Variants in C13orf42 observed in about 807,000 individuals in gnomAD.
C13orf42 encodes chromosome 13 open reading frame 42, also known as uncharacterized protein C13orf42.
intron 1 of C13orf42, among the ~76,000 whole-genome samples, chr13:51,154,818 C>T (rs1017790796): frequency 6.6e-6 from 1 of 152,166 alleles, no homozygotes; most frequent in African/African-American, 2.4e-5. Context: ...GACAAGTAAA[C>T]TAATTGCACA....
At chr13:51,171,618 C>T (rs988111217) in intron 1 of C13orf42, among the ~76,000 whole-genome samples, 1 of 152,140 alleles carries the variant, frequency 6.6e-6, no homozygotes, top group African/African-American at 2.4e-5. Context: ...ATCTTTTTAT[C>T]ACCTCCCCTC....
At chr13:51,117,698 CCCT>C (rs1953503057) in intron 1 of C13orf42, among the ~76,000 whole-genome samples, 1 of 152,148 alleles carries the variant, frequency 6.6e-6, no homozygotes, top group African/African-American at 2.4e-5. Flanking sequence ...CCTTCCTCTC[CCCT>C]CCTATTTTTT....
At chr13:51,097,774 C>A (rs751677584) in intron 1 of C13orf42, among the ~76,000 whole-genome samples, 14 of 151,826 alleles carry the variant, frequency 9.2e-5, no homozygotes, top group Non-Finnish European at 1.6e-4. Flanking sequence ...TAGCCCAGAC[C>A]TTTTGGTCTT....
rs747868558 is a variant in C13orf42, at chr13:51,106,802, T to C, written c.414+3994A>G. On this transcript the variant is annotated intron_variant, in intron 1 of 3. Coordinates refer to ENST00000563710, the MANE Select transcript of C13orf42 (RefSeq NM_001351589.3). ...GACAAGACACACTTCAAACATGCCA[T>C]CCTTCTGCCACACACATTATGCCCT... 1.1e-3 allele frequency among the ~76,000 whole-genome samples: 163 copies of C among 152,310 alleles called. 1 individual carries two copies. The highest frequency in any genetic ancestry group is 2.1e-3 in the Non-Finnish European group (143 of 68,028).
Position 51,085,422 on chromosome 13 carries a change from C to T in C13orf42, c.700G>A (p.Val234Met), listed in dbSNP as rs1280020868. ...CTCTCGAGTCTCCTCTGAGTGCCCACGGTCCTGTGCTCGGTGCTCCTTCGA... is the reference window on the plus strand; with the variant it reads ...CTCTCGAGTCTCCTCTGAGTGCCCATGGTCCTGTGCTCGGTGCTCCTTCGA... Reference protein sequence around the residue: ...QFRRSTEHRTVGTQRRLERHP... With the variant: ...QFRRSTEHRTMGTQRRLERHP... The change falls in exon 3 of 4, where the codon GTG (valine) becomes ATG (methionine). Residue 234 changes from valine to methionine, a missense_variant. Coordinates refer to ENST00000563710, the MANE Select transcript of C13orf42 (RefSeq NM_001351589.3). 1.0e-5 allele frequency: 4 copies of T among 398,474 alleles called. No individual in the cohort carries two copies. Among genetic ancestry groups the T allele is most frequent in the South Asian group, 1.3e-4 (1 of 7,868 alleles). 24.7% of individuals were successfully genotyped at this position (398,474 alleles called of 1,614,324 possible). A position where few individuals can be genotyped will look rare whatever the true frequency, so the allele number is the denominator to read the frequency against.
chr13:51,113,098 G>C (rs1306871672), upstream of C13orf42: 1 of 152,184 alleles, frequency 6.6e-6, no homozygotes. Flanking sequence ...TAAAAATGAA[G>C]TCTACCTCCA....
intron 1 of C13orf42, among the ~76,000 whole-genome samples, chr13:51,154,289 G>C (rs1353033044): frequency 2.0e-5 from 3 of 152,184 alleles, no homozygotes; most frequent in Non-Finnish European, 4.4e-5. Flanking sequence ...ATGCTGCCAT[G>C]AACACGGTAT....
At chr13:51,139,060 T>C (rs1953678239) in intron 1 of C13orf42, among the ~76,000 whole-genome samples, 1 of 152,174 alleles carries the variant, frequency 6.6e-6, no homozygotes, top group African/African-American at 2.4e-5. Context: ...TTCACACCTG[T>C]AATCCTGACA....
At chr13:51,146,250 C>T (rs150680421) in intron 1 of C13orf42, among the ~76,000 whole-genome samples, 333 of 152,264 alleles carry the variant, frequency 2.2e-3, no homozygotes, top group African/African-American at 7.0e-3. Context: ...GATAAATGGA[C>T]ATCTGAGATC....
chr13:51,095,689 C>T (rs1013952507), intron 1 of C13orf42, among the ~76,000 whole-genome samples: 4 of 152,010 alleles, frequency 2.6e-5, no homozygotes, highest in East Asian at 1.9e-4. Context: ...TGCTCATTTC[C>T]GGTCTTTTCA....
chr13:51,124,440 G>A (rs1255832073), intron 1 of C13orf42, among the ~76,000 whole-genome samples: 1 of 152,184 alleles, frequency 6.6e-6, no homozygotes, highest in African/African-American at 2.4e-5. Flanking sequence ...TACATAATGA[G>A]GAGGTAAATG....
intron 1 of C13orf42, among the ~76,000 whole-genome samples, chr13:51,110,261 T>C (rs908493074): frequency 6.6e-6 from 1 of 152,198 alleles, no homozygotes; most frequent in Non-Finnish European, 1.5e-5. Context: ...CAACAATTTG[T>C]TGAAAAATGA....
At chr13:51,114,641 TAGATAGAGATAGACAGACAGACAGAC>T (rs1953468791), upstream of C13orf42, among the ~76,000 whole-genome samples, 4 of 92,164 alleles carry the variant, frequency 4.3e-5, no homozygotes, top group East Asian at 3.2e-4. Context: ...GATAGATAGA[TAGATAGAGATAGACAGACAGACAGAC>T]AGACAGACAG....
intron 1 of C13orf42, among the ~76,000 whole-genome samples, chr13:51,095,332 G>C (rs1000847730): frequency 6.6e-6 from 1 of 151,810 alleles, no homozygotes; most frequent in Non-Finnish European, 1.5e-5. Context: ...TATTGATCCT[G>C]CTTGGTTTTT....
At chr13:51,088,855 C>T (rs1422238583) in intron 1 of C13orf42, among the ~76,000 whole-genome samples, 1 of 152,100 alleles carries the variant, frequency 6.6e-6, no homozygotes, top group Non-Finnish European at 1.5e-5. Context: ...TACGAGGTTC[C>T]GGGCTCTTTC....
intron 1 of C13orf42, among the ~76,000 whole-genome samples, chr13:51,131,518 C>G (rs182729318): frequency 6.6e-6 from 1 of 152,298 alleles, no homozygotes; most frequent in African/African-American, 2.4e-5. Flanking sequence ...ACCAAGTTAT[C>G]TGGGAAAAGG....
chr13:51,099,067 T>A (rs1438015395), intron 1 of C13orf42, among the ~76,000 whole-genome samples: 2 of 152,190 alleles, frequency 1.3e-5, no homozygotes, highest in East Asian at 3.8e-4. Context: ...ACAAGCAATT[T>A]AATATTACCA....
intron 1 of C13orf42, among the ~76,000 whole-genome samples, chr13:51,159,820 T>C (rs577700789): frequency 3.3e-5 from 5 of 152,332 alleles, no homozygotes; most frequent in African/African-American, 9.6e-5. Context: ...TTAGTTCATT[T>C]TGACGCTGCT....
upstream of C13orf42, among the ~76,000 whole-genome samples, chr13:51,114,645 TAGAGATAGAC>T (rs1566130329): frequency 8.3e-6 from 1 of 120,456 alleles, no homozygotes; most frequent in African/African-American, 3.1e-5. Context: ...GATAGATAGA[TAGAGATAGAC>T]AGACAGACAG....
Sources: allele counts gnomAD v4.1 joint callset (sites outside exome capture counted in the v4.1 genomes callset), GRCh38; gene constraint gnomAD v4.1.1; transcripts MANE v1.5; gene names NCBI Gene and HGNC (gene_info 2026-07-23, HGNC 2026-07-21).